The following GRID2 variants were observed in gnomAD, a reference collection of about 807,000 sequenced individuals.
GRID2 encodes glutamate receptor ionotropic, delta-2.
A neutral mutation model predicts 114.8 loss-of-function variants in GRID2; 33 were observed. The observed-to-expected ratio is 0.29, with a 90% CI of 0.22 to 0.38. The LOEUF (loss-of-function observed/expected upper bound fraction) is 0.38, where lower values mean the gene tolerates loss of function less well. Ranked by LOEUF, GRID2 falls within the 10% of genes least tolerant of loss-of-function variation. GRID2 has a pLI of 1.00. For missense variants in GRID2, 1,184 were observed against 1,257.7 expected (o/e 0.94, Z 0.89); for synonymous variants, 505 against 449.9 (o/e 1.12, Z -1.55).
At chr4:93,783,596 AG>A (rs1181266779) in intron 1 of GRID2, among the ~76,000 whole-genome samples, 1 of 152,222 alleles carries the variant, frequency 6.6e-6, no homozygotes, top group African/African-American at 2.4e-5. Context: ...GTAGGAGCTT[AG>A]AAAACACAAA....
intron 1 of GRID2, among the ~76,000 whole-genome samples, chr4:92,524,291 CA>C (rs1724929008): frequency 6.6e-6 from 1 of 151,652 alleles, no homozygotes; most frequent in African/African-American, 2.4e-5. Flanking sequence ...ATGACTTTAA[CA>C]AACACTGCTT....
intron 1 of GRID2, among the ~76,000 whole-genome samples, chr4:92,438,266 A>G (rs1732834745): frequency 6.6e-6 from 1 of 152,178 alleles, no homozygotes; most frequent in Non-Finnish European, 1.5e-5. Flanking sequence ...TATGTCACAC[A>G]AAGCTTACTT....
At chr4:93,019,047 G>A (rs1487181631) in intron 2 of GRID2, among the ~76,000 whole-genome samples, 1 of 152,104 alleles carries the variant, frequency 6.6e-6, no homozygotes, top group Non-Finnish European at 1.5e-5. Flanking sequence ...GGAGTCTTTA[G>A]TTAAATCAGA....
At chr4:93,741,176 T>TATATATATATATATATAC (rs1731354113) in intron 14 of GRID2, among the ~76,000 whole-genome samples, 2 of 23,424 alleles carry the variant, frequency 8.5e-5, no homozygotes, top group Non-Finnish European at 1.7e-4. Flanking sequence ...TATATATACA[T>TATATATATATATATATAC]ATATATATAT....
At chr4:92,779,264 A>C (rs1738957504) in intron 2 of GRID2, among the ~76,000 whole-genome samples, 1 of 150,982 alleles carries the variant, frequency 6.6e-6, no homozygotes, top group Non-Finnish European at 1.5e-5. Flanking sequence ...AATGTTGGGG[A>C]TTAGGTTACT....
intron 2 of GRID2, among the ~76,000 whole-genome samples, chr4:92,617,089 G>GAAACTATATAATATATAGTTTC (rs1320991465): frequency 4.0e-5 from 6 of 151,098 alleles, no homozygotes; most frequent in African/African-American, 9.7e-5. Flanking sequence ...CTCGTTATTT[G>GAAACTATATAATATATAGTTTC]AAACTATATA....
intron 2 of GRID2, among the ~76,000 whole-genome samples, chr4:92,994,049 A>C (rs184091384): frequency 6.6e-6 from 1 of 152,268 alleles, no homozygotes. Flanking sequence ...CTGAGGATAC[A>C]ATGAGATTGT....
At chr4:93,154,112 G>A (rs1354296) in intron 4 of GRID2, among the ~76,000 whole-genome samples, 81,541 of 151,782 alleles carry the variant, frequency 0.54, 23,267 homozygotes, top group African/African-American at 0.7. Flanking sequence ...CAACTGATTA[G>A]GGTACAAGTT....
intron 13 of GRID2, among the ~76,000 whole-genome samples, chr4:93,557,970 A>T (rs1734484229): frequency 6.6e-6 from 1 of 152,218 alleles, no homozygotes; most frequent in South Asian, 2.1e-4. Context: ...AAATTGAACA[A>T]CCTGCTCCTG....
intron 1 of GRID2, among the ~76,000 whole-genome samples, chr4:92,352,492 G>T (rs187109098): frequency 2.0e-5 from 3 of 151,652 alleles, no homozygotes; most frequent in Admixed American, 6.6e-5. Context: ...TGATTGTTAC[G>T]TTTTCTAGGC....
At chr4:93,053,469 G>T (rs1414195482) in intron 2 of GRID2, among the ~76,000 whole-genome samples, 4 of 151,876 alleles carry the variant, frequency 2.6e-5, no homozygotes, top group Admixed American at 1.3e-4. Context: ...GTTCTGTCTA[G>T]TTTTTTCTGG....
intron 1 of GRID2, among the ~76,000 whole-genome samples, chr4:92,585,974 C>T (rs1434975127): frequency 6.6e-6 from 1 of 151,688 alleles, no homozygotes; most frequent in African/African-American, 2.4e-5. Context: ...TTTATCCATA[C>T]ATCTGAATTT....
chr4:92,619,229 G>C (rs903392746), intron 2 of GRID2, among the ~76,000 whole-genome samples: 6 of 151,702 alleles, frequency 4.0e-5, no homozygotes, highest in Non-Finnish European at 7.4e-5. Context: ...GGCATGCCTT[G>C]GCTTTGCATT....
chr4:92,896,792 G>A (rs1747197036), intron 2 of GRID2, among the ~76,000 whole-genome samples: 1 of 152,058 alleles, frequency 6.6e-6, no homozygotes, highest in African/African-American at 2.4e-5. Context: ...GCCCAGGCTG[G>A]AGTGCAGTGG....
intron 2 of GRID2, among the ~76,000 whole-genome samples, chr4:92,778,486 T>C (rs1484267684): frequency 6.6e-6 from 1 of 152,126 alleles, no homozygotes; most frequent in Non-Finnish European, 1.5e-5. Flanking sequence ...TTCTGACTGA[T>C]AGGTTCAGGG....
At chr4:92,667,332 A>G (rs753578354) in intron 2 of GRID2, among the ~76,000 whole-genome samples, 10 of 151,642 alleles carry the variant, frequency 6.6e-5, no homozygotes, top group Non-Finnish European at 1.2e-4. Flanking sequence ...ATAATTCCAA[A>G]GGATATAACA....
chr4:92,596,365 C>G (rs1234149097), intron 2 of GRID2, among the ~76,000 whole-genome samples: 1 of 152,050 alleles, frequency 6.6e-6, no homozygotes, highest in East Asian at 1.9e-4. Flanking sequence ...TCTGGACCAT[C>G]TACATGTGTG....
At chr4:92,796,004 G>A (rs1377788859) in intron 2 of GRID2, among the ~76,000 whole-genome samples, 1 of 151,844 alleles carries the variant, frequency 6.6e-6, no homozygotes, top group Non-Finnish European at 1.5e-5. Flanking sequence ...CACAACATCT[G>A]GACAGTTTCT....
intron 4 of GRID2, among the ~76,000 whole-genome samples, chr4:93,150,616 C>T (rs1272023280): frequency 1.3e-5 from 2 of 152,012 alleles, no homozygotes; most frequent in Non-Finnish European, 2.9e-5. Flanking sequence ...CTGGCCAGCT[C>T]TGCATGTAAA....
Sources: allele counts gnomAD v4.1 joint callset (sites outside exome capture counted in the v4.1 genomes callset), GRCh38; gene constraint gnomAD v4.1.1; transcripts MANE v1.5; gene names NCBI Gene and HGNC (gene_info 2026-07-23, HGNC 2026-07-21).